MTCH2: variants seen among roughly 807,000 people sequenced by gnomAD.
MTCH2 encodes mitochondrial carrier 2.
MTCH2 carries 25 observed loss-of-function variants against 50.6 expected under a neutral mutation model. The observed-to-expected ratio is 0.49, with a 90% CI of 0.36 to 0.69. The LOEUF (loss-of-function observed/expected upper bound fraction) is 0.69, where lower values mean the gene tolerates loss of function less well. Ranked by LOEUF, MTCH2 falls within the 30% of genes least tolerant of loss-of-function variation. MTCH2 has a pLI of 0.00. For missense variants in MTCH2, 273 were observed against 384.4 expected, an observed-to-expected ratio of 0.71 and a Z score of 2.42; for synonymous variants, 106 against 132.0, an observed-to-expected ratio of 0.80 and a Z score of 1.35.
In MTCH2 at chr11:47,642,545, G is replaced by A. The variant is rs376649764; in HGVS notation, c.-80C>T. On this transcript the variant is annotated 5_prime_UTR_variant, in exon 1 of 13. Transcript: ENST00000302503. ...AGCCGGTCCTAGGTCACGTGCCAGG[G>A]CCGCCGGTTTCACTGGCCCGCCCGC... The A allele has an allele frequency of 1.9e-4, 248 of 1,337,170 alleles. 2 individuals carry two copies. The Admixed American group carries it at 3.3e-3, about 18-fold the overall frequency. The allele number at this position is 1,337,170 out of a possible 1,614,324, so 82.8% of individuals were successfully genotyped here.
chr11:47,634,628 A>G, intron 5 of MTCH2, 44 bp downstream of exon 5: 1 of 1,455,464 alleles, frequency 6.9e-7, no homozygotes, highest in Non-Finnish European at 9.6e-7. Flanking sequence ...GCAACACCAC[A>G]GTTTGATCTG....
At chr11:47,619,869 G>T (rs1438737832) in intron 12 of MTCH2, among the ~76,000 whole-genome samples, 1 of 152,144 alleles carries the variant, frequency 6.6e-6, no homozygotes, top group Non-Finnish European at 1.5e-5. Context: ...CTGAGGTCAG[G>T]AGTTCGAGAC....
intron 4 of MTCH2, among the ~76,000 whole-genome samples, chr11:47,635,289 G>A (rs2153800454): frequency 6.6e-6 from 1 of 152,062 alleles, no homozygotes; most frequent in South Asian, 2.1e-4. Flanking sequence ...TGCCCAGGCT[G>A]GTCTCAAACT....
chr11:47,614,740 C>T (rs1237115556), downstream of MTCH2, among the ~76,000 whole-genome samples: 1 of 152,132 alleles, frequency 6.6e-6, no homozygotes, highest in African/African-American at 2.4e-5. Context: ...CGCCTCCATA[C>T]CTAATTTTTG....
chr11:47,624,639 C>CA (rs2097296317), intron 11 of MTCH2, among the ~76,000 whole-genome samples: 3 of 151,756 alleles, frequency 2.0e-5, no homozygotes, highest in South Asian at 4.2e-4. Flanking sequence ...TGTGTCTTCA[C>CA]AAAAAATAAT....
At chr11:47,625,817 T>A in intron 10 of MTCH2, 76 bp from the exon 11 acceptor site, 1 of 1,141,548 alleles carries the variant, frequency 8.8e-7, no homozygotes, top group Non-Finnish European at 1.3e-6. Flanking sequence ...CTTAAAGGCC[T>A]AGTGCCACTG....
the MTCH2 span, among the ~76,000 whole-genome samples, chr11:47,606,002 C>T: frequency 6.6e-6 from 1 of 152,092 alleles, no homozygotes; most frequent in South Asian, 2.1e-4. Context: ...CAGGATCTCC[C>T]TTTTCTTCTT....
At chr11:47,640,463 C>A (rs1259968614) in intron 1 of MTCH2, among the ~76,000 whole-genome samples, 2 of 152,172 alleles carry the variant, frequency 1.3e-5, no homozygotes, top group Non-Finnish European at 2.9e-5. Context: ...GTCGCCCAGG[C>A]TGGAGTGCAG....
At chr11:47,641,967 CTGAG>C (rs982495673) in intron 1 of MTCH2, among the ~76,000 whole-genome samples, 165 of 152,234 alleles carry the variant, frequency 1.1e-3, no homozygotes, top group African/African-American at 3.6e-3. Context: ...TTGTCTTCAA[CTGAG>C]TATTTCGTGT....
rs75020795 is a variant in MTCH2 at position 47,634,684 on chromosome 11, G to A, written c.357C>T (p.His119=). 14 of 1,610,108 alleles carry A rather than the reference G, an allele frequency of 8.7e-6. No homozygotes were observed. The highest frequency in any genetic ancestry group is 4.5e-5 in the East Asian group (2 of 44,760). The change falls in exon 5 of 13, where the codon CAC becomes CAT. Residue 119 remains histidine (H), a synonymous_variant. Transcript: ENST00000302503. ...ATTCATCTCTTACCTCCTTGATAAC[G>A]TGGTCAAAGGAAGATGAGACTTCTT... ...VQKEVSSSFD[H]VIKETTREMI...
At chr11:47,628,844 C>A in intron 9 of MTCH2, 109 bp downstream of exon 9, 1 of 927,282 alleles carries the variant, frequency 1.1e-6, no homozygotes, top group Non-Finnish European at 1.7e-6. Context: ...TCCCAAAGTG[C>A]TGGGATTACA....
At chr11:47,625,996 C>T (rs543267369) in intron 10 of MTCH2, among the ~76,000 whole-genome samples, 11 of 152,140 alleles carry the variant, frequency 7.2e-5, no homozygotes, top group South Asian at 2.1e-4. Flanking sequence ...TATAGGCGCA[C>T]GCCACCATAC....
intron 3 of MTCH2, among the ~76,000 whole-genome samples, chr11:47,635,845 G>A (rs35976340): frequency 0.046 from 6,967 of 151,986 alleles, 517 homozygotes; most frequent in African/African-American, 0.16. Context: ...AAAAGAAAAG[G>A]GGACAGGTGT....
At chr11:47,630,472 A>C in intron 8 of MTCH2, 83 bp downstream of exon 8, 1 of 1,198,370 alleles carries the variant, frequency 8.3e-7, no homozygotes, top group South Asian at 1.2e-5. Flanking sequence ...TTCCCCAAGG[A>C]TTAAACAAAG....
At chr11:47,625,128 T>C (rs1383843693) in intron 11 of MTCH2, among the ~76,000 whole-genome samples, 1 of 150,468 alleles carries the variant, frequency 6.6e-6, no homozygotes, top group Non-Finnish European at 1.5e-5. Context: ...CTATAAATAA[T>C]AATAGTAATT....
At chr11:47,619,499 T>A (rs2097291246) in intron 12 of MTCH2, among the ~76,000 whole-genome samples, 1 of 152,026 alleles carries the variant, frequency 6.6e-6, no homozygotes, top group African/African-American at 2.4e-5. Context: ...CTCCCAAAAG[T>A]GCAGGGATTA....
At chr11:47,635,679 T>A (rs193112427) in intron 3 of MTCH2, 108 bp from the exon 4 acceptor site, 58 of 1,155,878 alleles carry the variant, frequency 5.0e-5, no homozygotes, top group East Asian at 4.9e-4. Flanking sequence ...AAGTTTTTTT[T>A]AAAGTTTTTG....
intron 3 of MTCH2, among the ~76,000 whole-genome samples, chr11:47,636,198 C>G (rs1340860374): frequency 6.6e-6 from 1 of 151,916 alleles, no homozygotes; most frequent in Non-Finnish European, 1.5e-5. Context: ...CTTTGGGAGG[C>G]CAAGGCAGGT....
At position 47,642,479 on chromosome 11, in the gene MTCH2, G is replaced by A. The variant is rs1372754175; in HGVS notation, c.-14C>T. The stretch of plus-strand genomic sequence containing the variant: ...CGCGTCCGCCATGATGGCACCCGCG[G>A]GCGGACGGACAGACAGACGGAGCCA... On this transcript the variant is annotated 5_prime_UTR_variant, in exon 1 of 13. Transcript: ENST00000302503. The A allele has an allele frequency of 2.1e-6, 3 of 1,455,830 alleles. No homozygotes were observed. Among genetic ancestry groups the A allele is most frequent in the Non-Finnish European group, 1.8e-6 (2 of 1,106,536 alleles). The allele number at this position is 1,455,830 out of a possible 1,614,324, so 90.2% of individuals were successfully genotyped here.
Sources: gnomAD v4.1 joint callset for allele counts (sites outside exome capture counted in the v4.1 genomes callset) on GRCh38, gnomAD v4.1.1 for gene constraint, MANE v1.5 for transcripts, NCBI Gene and HGNC (gene_info 2026-07-23, HGNC 2026-07-21) for gene names.